USH2A: variants seen among roughly 807,000 people sequenced by gnomAD.
USH2A encodes usherin.
A neutral mutation model predicts 538.9 loss-of-function variants in USH2A; 443 were observed. That is an observed-to-expected ratio of 0.82 (90% CI 0.76 to 0.89). USH2A has a LOEUF of 0.89. USH2A is among the 40% of genes least tolerant of loss of function. The pLI is 0.00. For synonymous variants in USH2A, 2,413 were observed against 2,273.5 expected (o/e 1.06, Z -1.75); for missense variants, 6,633 against 6,324.8 (o/e 1.05, Z -1.65).
intron 70 of USH2A, chr1:215,630,363 C>T: frequency 2.3e-6 from 1 of 433,452 alleles, no homozygotes; most frequent in South Asian, 1.7e-5. Flanking sequence ...TAATACTGCT[C>T]TGATGTACAT....
At chr1:215,707,086 A>G (rs1410803276) in intron 61 of USH2A, among the ~76,000 whole-genome samples, 2 of 152,208 alleles carry the variant, frequency 1.3e-5, no homozygotes, top group Non-Finnish European at 2.9e-5. Flanking sequence ...TTTTTATTAG[A>G]CATTTGGACA....
intron 44 of USH2A, among the ~76,000 whole-genome samples, chr1:215,862,540 G>A (rs1472280682): frequency 6.6e-6 from 1 of 152,100 alleles, no homozygotes; most frequent in African/African-American, 2.4e-5. Flanking sequence ...TTGTGCAGAT[G>A]TACCCTAGAA....
chr1:215,786,414 A>G (rs964479171), intron 52 of USH2A, among the ~76,000 whole-genome samples: 3 of 152,230 alleles, frequency 2.0e-5, no homozygotes, highest in African/African-American at 7.2e-5. Flanking sequence ...AGTAAAGGTC[A>G]CAGATATCTC....
chr1:216,414,705 A>G (rs1323437403), intron 3 of USH2A, among the ~76,000 whole-genome samples: 1 of 152,064 alleles, frequency 6.6e-6, no homozygotes, highest in Non-Finnish European at 1.5e-5. Context: ...CCACGAATAG[A>G]GTTGTATGTT....
chr1:216,396,221 C>T (rs1476409890), intron 3 of USH2A, among the ~76,000 whole-genome samples: 1 of 152,118 alleles, frequency 6.6e-6, no homozygotes, highest in Non-Finnish European at 1.5e-5. Flanking sequence ...TTACTCATTG[C>T]AAATGGACAC....
At chr1:215,773,562 T>C (rs1320740974) in intron 55 of USH2A, among the ~76,000 whole-genome samples, 4 of 150,536 alleles carry the variant, frequency 2.7e-5, no homozygotes, top group Non-Finnish European at 4.4e-5. Context: ...CACAAGGAGC[T>C]GCTCTCCTCT....
At position 215,625,674 on chromosome 1, in the gene USH2A, G is replaced by T; in HGVS notation, c.*107C>A. 9.9e-7 allele frequency: 1 copy of T among 1,006,486 alleles called. No individual in the cohort carries two copies. The highest frequency in any genetic ancestry group is 1.6e-6 in the Non-Finnish European group (1 of 638,010). 62.3% of individuals were successfully genotyped at this position (1,006,486 alleles called of 1,614,324 possible). On this transcript the variant is annotated 3_prime_UTR_variant, in exon 72 of 72. Transcript: ENST00000307340. ...TCATCATTTCTTTAAAGAATTATAG[G>T]ATAATAAACAATGGCTTTTCAGCAT...
At chr1:215,857,110 TAC>T in intron 44 of USH2A, among the ~76,000 whole-genome samples, 1 of 152,152 alleles carries the variant, frequency 6.6e-6, no homozygotes, top group Middle Eastern at 3.4e-3. Context: ...AACCATTGGG[TAC>T]AGTGTATACT....
intron 4 of USH2A, among the ~76,000 whole-genome samples, chr1:216,349,373 G>A (rs2038234922): frequency 6.6e-6 from 1 of 152,072 alleles, no homozygotes; most frequent in Non-Finnish European, 1.5e-5. Flanking sequence ...ACTCCATCTT[G>A]AATAGGGGCT....
chr1:216,060,632 G>T (rs1196491696), intron 30 of USH2A, among the ~76,000 whole-genome samples: 1 of 151,982 alleles, frequency 6.6e-6, no homozygotes, highest in Non-Finnish European at 1.5e-5. Context: ...ATAACCCCTA[G>T]ACTTTAGCTC....
intron 26 of USH2A, 134 bp downstream of exon 26, chr1:216,083,322 T>G: frequency 9.6e-7 from 1 of 1,039,176 alleles, no homozygotes; most frequent in East Asian, 2.6e-5. Context: ...AAACTAAAAA[T>G]GACTGGGAAA....
At chr1:215,849,125 A>T (rs889913279) in intron 44 of USH2A, among the ~76,000 whole-genome samples, 11 of 152,194 alleles carry the variant, frequency 7.2e-5, no homozygotes, top group Admixed American at 7.2e-4. Context: ...ATAGAAAAAC[A>T]TAAGTTACAA....
chr1:216,336,541 T>C (rs2037978492), intron 4 of USH2A, among the ~76,000 whole-genome samples: 1 of 151,500 alleles, frequency 6.6e-6, no homozygotes, highest in Admixed American at 6.6e-5. Flanking sequence ...AGTTGCAAGT[T>C]GCAATATCAA....
At chr1:215,724,493 G>C (rs1219804682) in intron 61 of USH2A, among the ~76,000 whole-genome samples, 1 of 152,096 alleles carries the variant, frequency 6.6e-6, no homozygotes, top group African/African-American at 2.4e-5. Context: ...GGTGAGGGAT[G>C]AGAAATGACC....
intron 17 of USH2A, 129 bp downstream of exon 17, chr1:216,199,498 C>T (rs1237247368): frequency 7.3e-7 from 1 of 1,361,242 alleles, no homozygotes; most frequent in Non-Finnish European, 1.0e-6. Context: ...TCTTTAGAAA[C>T]TGTTTCTCAA....
rs563671489 is a variant in USH2A at position 216,307,299 on chromosome 1, G to A, written c.1644+14584C>T. On this transcript the variant is annotated intron_variant, in intron 9 of 71. Transcript: ENST00000307340. ...GGGCGATGGAGTTATGTTTCTAGGG[G>A]GATTATGGCTGCCTCTGCTACATCA... 7.4e-4 allele frequency among the ~76,000 whole-genome samples: 112 copies of A among 152,098 alleles called. 1 individual carries two copies. The highest frequency in any genetic ancestry group is 2.7e-3 in the African/African-American group (110 of 41,492).
chr1:216,063,086 G>A (rs890063112), intron 30 of USH2A, among the ~76,000 whole-genome samples: 5 of 152,124 alleles, frequency 3.3e-5, no homozygotes, highest in Non-Finnish European at 7.4e-5. Flanking sequence ...AGTCACCTCA[G>A]AAATGCTAAA....
intron 70 of USH2A, among the ~76,000 whole-genome samples, chr1:215,630,604 G>A (rs910387881): frequency 2.7e-5 from 4 of 148,516 alleles, no homozygotes; most frequent in African/African-American, 2.5e-5. Context: ...TGTAATCCCA[G>A]CAATTTGGGA....
At chr1:216,301,660 G>C (rs1453509349) in intron 9 of USH2A, among the ~76,000 whole-genome samples, 1 of 152,174 alleles carries the variant, frequency 6.6e-6, no homozygotes, top group African/African-American at 2.4e-5. Flanking sequence ...ATGCAGCACT[G>C]CCTATGTGAG....
Sources: gnomAD v4.1 joint callset for allele counts (sites outside exome capture counted in the v4.1 genomes callset) on GRCh38, gnomAD v4.1.1 for gene constraint, MANE v1.5 for transcripts, NCBI Gene and HGNC (gene_info 2026-07-23, HGNC 2026-07-21) for gene names.